AKAP8L: variants seen among roughly 807,000 people sequenced by gnomAD.
AKAP8L encodes the protein A-kinase anchoring protein 8 like, also known as A-kinase anchor protein 8-like.
AKAP8L carries 34 observed loss-of-function variants against 77.5 expected under a neutral mutation model. The observed-to-expected ratio is 0.44, with a 90% CI of 0.33 to 0.58. The LOEUF (loss-of-function observed/expected upper bound fraction) is 0.58. AKAP8L is among the 20% of genes least tolerant of loss of function. The pLI, the probability that AKAP8L is intolerant of heterozygous loss-of-function variation, is 0.02. For missense variants in AKAP8L, 806 were observed against 887.6 expected, an observed-to-expected ratio of 0.91 and a Z score of 1.17; for synonymous variants, 342 against 340.7, an observed-to-expected ratio of 1.00 and a Z score of -0.04.
In AKAP8L at chr19:15,397,206, G is replaced by T. The variant is rs1446727724; in HGVS notation, c.1480C>A (p.Gln494Lys). The change falls in exon 12 of 14, where the codon CAG becomes AAG. Residue 494 changes from glutamine to lysine, a missense_variant. By Grantham distance (53) the Gln-to-Lys change is moderately conservative. Transcript: ENST00000397410. This position sits in a 1 kb window ranked among gnomAD's most constrained non-coding sequence, Gnocchi z 4.7. ...AGATGCTTCTGGATGATCCCAAACT[G>T]CATGGGAATGAAGAGGTCGCAGGCT... is the stretch of plus-strand genomic sequence containing the variant. The part of the protein sequence containing the change: ...CAACDLFIPM[Q>K]FGIIQKHLKT... 1.2e-6 allele frequency: 2 copies of T among 1,613,894 alleles called. No individual in the cohort carries two copies. Among genetic ancestry groups the T allele is most frequent in the African/African-American group, 2.7e-5 (2 of 74,936 alleles).
At chr19:15,406,646 T>G (rs572393388) in intron 2 of AKAP8L, among the ~76,000 whole-genome samples, 1 of 151,992 alleles carries the variant, frequency 6.6e-6, no homozygotes, top group Admixed American at 6.6e-5. Flanking sequence ...TTTTCTATTT[T>G]TGTAGAGATA....
intron 1 of AKAP8L, among the ~76,000 whole-genome samples, chr19:15,413,809 A>T (rs1412218878): frequency 6.6e-6 from 1 of 152,190 alleles, no homozygotes. Context: ...TGCAAATGAC[A>T]GCCTACCACA....
At chr19:15,402,182 A>G (rs1967914087) in intron 4 of AKAP8L, among the ~76,000 whole-genome samples, 1 of 152,208 alleles carries the variant, frequency 6.6e-6, no homozygotes, top group African/African-American at 2.4e-5. Context: ...AGGGACAAGA[A>G]AAAGAGCTGT....
chr19:15,400,067 C>T, intron 8 of AKAP8L: 1 of 586,932 alleles, frequency 1.7e-6, no homozygotes, highest in Non-Finnish European at 3.0e-6. Flanking sequence ...AACCAGTGTG[C>T]TAGGCAGGGG....
Position 15,401,227 on chromosome 19 carries a change from G to C in AKAP8L, c.739C>G (p.Arg247Gly). The part of the protein sequence containing the change: ...RGGGAFPGGS[R>G]FGFGFGNGMK... The stretch of plus-strand genomic sequence containing the variant: ...CCATTGCCAAACCCGAAACCAAAGC[G>C]GGAGCCGCCCGGGAAGGCGCCCCCA... The change falls in exon 5 of 14, where the codon CGC becomes GGC. Residue 247 changes from arginine to glycine, a missense_variant. Coordinates refer to ENST00000397410, the MANE Select transcript of AKAP8L (RefSeq NM_014371.4). The surrounding 1 kb of genome is among the most constrained non-coding windows in gnomAD (Gnocchi z 6.2). The C allele has an allele frequency of 6.2e-7, 1 of 1,613,208 alleles. No homozygotes were observed. Among genetic ancestry groups the C allele is most frequent in the Non-Finnish European group, 8.5e-7 (1 of 1,179,458 alleles).
Position 15,403,520 on chromosome 19 carries a change from T to A in AKAP8L, c.317A>T (p.Glu106Val). 1 of 1,613,976 alleles carries A rather than the reference T, an allele frequency of 6.2e-7. No individual in the cohort carries two copies. Residue 106 changes from glutamate (E) to valine (V), a missense_variant, in exon 4 of 14, where the codon GAG becomes GTG. This residue lies in a region of AKAP8L where 580 missense variants were observed against 694.1 expected (regional missense o/e 0.84). Transcript: ENST00000397410. This position sits in a 1 kb window ranked among gnomAD's most constrained non-coding sequence, Gnocchi z 4.3. ...NQRLDMVPHL[E>V]TDMMQGGVYG... ...CACGCCTCCTTGCATCATGTCTGTC[T>A]CCAAATGCGGCACCATATCTAAGCG...
chr19:15,405,880 C>T (rs1568271343), intron 2 of AKAP8L, among the ~76,000 whole-genome samples: 2 of 151,708 alleles, frequency 1.3e-5, no homozygotes, highest in Admixed American at 6.6e-5. Context: ...CAAGATTGCA[C>T]CACTGCACTA....
Position 15,400,846 on chromosome 19 carries a change from T to A in AKAP8L, c.932A>T (p.Glu311Val), listed in dbSNP as rs1967879266. 1.9e-6 allele frequency: 3 copies of A among 1,613,766 alleles called. No homozygotes were observed. The highest frequency in any genetic ancestry group is 1.7e-5 in the Admixed American group (1 of 59,988). ...GGTGCCTTCAAGGCCCTCTGTGGCT[T>A]CCCCCTCGGTGCCCTCATCTGAAAG... ...DSDNDEGTEG[E>V]ATEGLEGTEA... is the part of the protein sequence containing the mutation. Residue 311 changes from glutamate to valine, a missense_variant, in exon 7 of 14, where the codon GAA (glutamate) becomes GTA (valine). Glu to Val is a moderately radical substitution (Grantham distance 121). Around this residue, in one of 2 missense-constraint regions of AKAP8L, gnomAD observed 580 missense variants for 694.1 expected, o/e 0.84. Coordinates refer to ENST00000397410, the MANE Select transcript of AKAP8L (RefSeq NM_014371.4).
Position 15,400,785 on chromosome 19 carries a change from G to A in AKAP8L, c.984+9C>T. Reference sequence around the variant, plus strand: ...TGCAGACAGAAAATGCCCAGCCAGAGCCACTTACCACTCTGGAGCCCTTCT... The same window carrying A: ...TGCAGACAGAAAATGCCCAGCCAGAACCACTTACCACTCTGGAGCCCTTCT... On this transcript the variant is annotated intron_variant, in intron 7 of 13. Coordinates refer to ENST00000397410, the MANE Select transcript of AKAP8L (RefSeq NM_014371.4). 1.2e-6 allele frequency: 2 copies of A among 1,613,912 alleles called. No individual in the cohort carries two copies. Among genetic ancestry groups the A allele is most frequent in the Middle Eastern group, 1.7e-4 (1 of 6,040 alleles).
chr19:15,397,167 G>T lies in AKAP8L; in HGVS notation c.1519C>A (p.His507Asn). 6.2e-7 allele frequency: 1 copy of T among 1,613,942 alleles called. No individual in the cohort carries two copies. The highest frequency in any genetic ancestry group is 2.2e-5 in the East Asian group (1 of 44,882). ...CCACTCACCCTGCGGTTCCGGTTGT[G>T]ATCCATGGTCTTCAGATGCTTCTGG... ...IIQKHLKTMDHNRNRRLMMEQ... is the reference protein window; with the variant it reads ...IIQKHLKTMDNNRNRRLMMEQ... The change falls in exon 12 of 14, where the codon CAC becomes AAC. Residue 507 changes from histidine to asparagine, a missense_variant. This residue lies in a region of AKAP8L where 580 missense variants were observed against 694.1 expected (regional missense o/e 0.84). Coordinates refer to ENST00000397410, the MANE Select transcript of AKAP8L (RefSeq NM_014371.4). This position sits in a 1 kb window ranked among gnomAD's most constrained non-coding sequence, Gnocchi z 4.7.
intron 12 of AKAP8L, among the ~76,000 whole-genome samples, chr19:15,389,117 TG>T (rs1371960295): frequency 7.8e-6 from 1 of 127,972 alleles, no homozygotes; most frequent in Non-Finnish European, 1.6e-5. Context: ...CCCAGCTACT[TG>T]GGAGGCTGAG....
chr19:15,400,133 G>A (rs1967861128), intron 8 of AKAP8L, 162 bp downstream of exon 8: 1 of 670,964 alleles, frequency 1.5e-6, no homozygotes, highest in Non-Finnish European at 2.6e-6. Context: ...GGAAGGGGGT[G>A]GAGGCGGCGA....
chr19:15,394,959 CTT>C (rs35112257), intron 12 of AKAP8L, among the ~76,000 whole-genome samples: 358 of 145,190 alleles, frequency 2.5e-3, no homozygotes, highest in Admixed American at 2.7e-3. Context: ...ATGGCTTGTT[CTT>C]TTTTTTTTTT....
chr19:15,387,984 G>GA (rs548936283), intron 12 of AKAP8L, among the ~76,000 whole-genome samples: 70 of 151,586 alleles, frequency 4.6e-4, no homozygotes, highest in African/African-American at 1.4e-3. Flanking sequence ...GAGGGGAGGG[G>GA]AAAAAAATCC....
intron 12 of AKAP8L, chr19:15,381,734 C>A (rs1246071660): frequency 1.3e-5 from 2 of 152,146 alleles, no homozygotes; most frequent in Non-Finnish European, 2.9e-5. Flanking sequence ...TAGACCGTTC[C>A]CCCAGTGACT....
chr19:15,395,092 C>A (rs1022543169), intron 12 of AKAP8L, among the ~76,000 whole-genome samples: 1 of 151,878 alleles, frequency 6.6e-6, no homozygotes, highest in Admixed American at 6.6e-5. Flanking sequence ...TGCAGTGGCA[C>A]GATCTTGGCT....
chr19:15,393,095 C>T (rs1006323340), intron 12 of AKAP8L, among the ~76,000 whole-genome samples: 1 of 152,062 alleles, frequency 6.6e-6, no homozygotes, highest in Non-Finnish European at 1.5e-5. Context: ...AAAACAGTCT[C>T]TTTCATTTCT....
At chr19:15,382,204 TA>T (rs1331903695) in intron 12 of AKAP8L, among the ~76,000 whole-genome samples, 5 of 129,672 alleles carry the variant, frequency 3.9e-5, no homozygotes, top group East Asian at 5.0e-4. Context: ...TTTTCACATT[TA>T]AATTTTTTTT....
Position 15,398,064 on chromosome 19 carries a change from G to C in AKAP8L, c.1158-209C>G, listed in dbSNP as rs1418910501. 3.4e-6 allele frequency: 2 copies of C among 590,956 alleles called. No homozygotes were observed. Among genetic ancestry groups the C allele is most frequent in the Admixed American group, 6.0e-5 (2 of 33,226 alleles). 36.6% of individuals were successfully genotyped at this position (590,956 alleles called of 1,614,324 possible). A position where few individuals can be genotyped will look rare whatever the true frequency, so the allele number is the denominator to read the frequency against. On this transcript the variant is annotated intron_variant, in intron 9 of 13. Transcript: ENST00000397410. This position sits in a 1 kb window ranked among gnomAD's most constrained non-coding sequence, Gnocchi z 9.2. ...AGGCTGCAGTTACTGCAACGTAGGG[G>C]ACAGGGGAGGAGCTCTTCCTTCCCA...
Sources: allele counts gnomAD v4.1 joint callset (sites outside exome capture counted in the v4.1 genomes callset), GRCh38; gene constraint gnomAD v4.1.1; regional missense constraint gnomAD v4.1.1; non-coding constraint Gnocchi (gnomAD v3.1); transcripts MANE v1.5; gene names NCBI Gene and HGNC (gene_info 2026-07-23, HGNC 2026-07-21).